Variants in KCNN2 observed in about 807,000 individuals in gnomAD.
KCNN2 encodes the protein small conductance calcium-activated potassium channel protein 2.
Under a neutral mutation model 55.5 loss-of-function variants are expected in KCNN2, and 24 were observed. The ratio of observed to expected loss-of-function variants is 0.43; its 90% CI spans 0.31 to 0.61. The LOEUF (loss-of-function observed/expected upper bound fraction) is 0.61. Among genes scored for constraint, KCNN2 ranks in the 20% least tolerant of loss-of-function variants. KCNN2 has a pLI of 0.08. For missense variants in KCNN2, 754 were observed against 853.6 expected (o/e 0.88, Z 1.45); for synonymous variants, 431 against 336.1 (o/e 1.28, Z -3.09).
Position 114,422,270 on chromosome 5 carries a change from A to C in KCNN2, c.1637+17414A>C, listed in dbSNP as rs554261372. 3.3e-5 allele frequency among the ~76,000 whole-genome samples: 5 copies of C among 152,286 alleles called. No individual in the cohort carries two copies. In the South Asian group the frequency reaches 1.0e-3, roughly 32 times the overall value. ...TAATTTCCAGTGTGATAATATTTAA[A>C]ACTGGGGTCTTTCATAGATGATTGG... is the stretch of plus-strand genomic sequence containing the variant. On this transcript the variant is annotated intron_variant, in intron 3 of 7. Coordinates refer to ENST00000673685, the MANE Select transcript of KCNN2 (RefSeq NM_021614.4).
chr5:114,112,570 T>G (rs7706246), intron 1 of KCNN2, among the ~76,000 whole-genome samples: 1,710 of 152,232 alleles, frequency 0.011, 40 homozygotes, highest in African/African-American at 0.039. Context: ...CAATCATTTA[T>G]GGTGACTTTG....
At chr5:114,214,069 A>G (rs925575646) in intron 1 of KCNN2, among the ~76,000 whole-genome samples, 2 of 152,094 alleles carry the variant, frequency 1.3e-5, no homozygotes, top group African/African-American at 4.8e-5. Flanking sequence ...GAGAAAGCTT[A>G]GAGAAAGTCC....
chr5:114,362,386 G>A lies in KCNN2; in HGVS notation c.247G>A (p.Gly83Arg). The change falls in exon 1 of 8, where the codon GGA becomes AGA. Residue 83 changes from glycine (G) to arginine (R), a missense_variant. Transcript: ENST00000673685. ...CTCCGGTGCCCCGGCGGCGGGGGCG[G>A]GAGATAACCTGTCCCTGCTGCTCCG... ...ASSGAPAAGA[G>R]DNLSLLLRTS... The A allele has an allele frequency of 4.1e-6, 1 of 243,522 alleles. No homozygotes were observed. The highest frequency in any genetic ancestry group is 7.8e-6 in the Non-Finnish European group (1 of 128,090). The allele number at this position is 243,522 out of a possible 1,614,324, so 15.1% of individuals were successfully genotyped here.
chr5:114,141,680 G>A (rs549819450), intron 1 of KCNN2, among the ~76,000 whole-genome samples: 35 of 152,260 alleles, frequency 2.3e-4, no homozygotes, highest in African/African-American at 8.4e-4. Flanking sequence ...TGGTATTTGA[G>A]TTCTAGATCC....
chr5:114,380,282 GCTT>G (rs1386325672), intron 2 of KCNN2, among the ~76,000 whole-genome samples: 1 of 152,132 alleles, frequency 6.6e-6, no homozygotes, highest in Non-Finnish European at 1.5e-5. Flanking sequence ...CCCTCCCCCT[GCTT>G]CTTTCTGGTG....
intron 1 of KCNN2, among the ~76,000 whole-genome samples, chr5:114,100,175 A>G (rs913546594): frequency 2.0e-5 from 3 of 152,064 alleles, no homozygotes; most frequent in African/African-American, 7.2e-5. Flanking sequence ...ACGTATTCCA[A>G]TAGGAGAAAT....
intron 2 of KCNN2, among the ~76,000 whole-genome samples, chr5:114,297,536 A>G (rs930256988): frequency 6.6e-6 from 1 of 152,130 alleles, no homozygotes; most frequent in African/African-American, 2.4e-5. Context: ...CATCTTTGAA[A>G]AGTAATTTGC....
chr5:114,332,648 C>T (rs1460465401), intron 2 of KCNN2, among the ~76,000 whole-genome samples: 1 of 152,166 alleles, frequency 6.6e-6, no homozygotes, highest in Non-Finnish European at 1.5e-5. Flanking sequence ...TGTATATGTA[C>T]TCAGCAAGCC....
intron 1 of KCNN2, among the ~76,000 whole-genome samples, chr5:114,114,246 TAG>T (rs969927985): frequency 6.6e-6 from 1 of 152,088 alleles, no homozygotes; most frequent in African/African-American, 2.4e-5. Flanking sequence ...AACATTTTTT[TAG>T]AGACAGGTCT....
chr5:114,365,323 T>C (rs950923325), intron 2 of KCNN2, among the ~76,000 whole-genome samples: 1 of 152,246 alleles, frequency 6.6e-6, no homozygotes, highest in Non-Finnish European at 1.5e-5. Context: ...TTTGAATTTT[T>C]TAAAGTTTTA....
In KCNN2 at chr5:114,362,555, T is replaced by G. The variant is rs746392498; in HGVS notation, c.416T>G (p.Leu139Arg). 3 of 607,878 alleles carry G rather than the reference T, an allele frequency of 4.9e-6. No homozygotes were observed. The highest frequency in any genetic ancestry group is 4.5e-4 in the Middle Eastern group (1 of 2,230). 37.7% of individuals were successfully genotyped at this position (607,878 alleles called of 1,614,324 possible). The change falls in exon 1 of 8, where the codon CTC (leucine) becomes CGC (arginine). Residue 139 changes from leucine to arginine, a missense_variant. Leu to Arg is a moderately radical substitution (Grantham distance 102). Coordinates refer to ENST00000673685, the MANE Select transcript of KCNN2 (RefSeq NM_021614.4). ...ACGCCGTCCAGCCATGCCAGTGCGC[T>G]CCGGCAGCAGTACGCGCAGCAGTCC... ...ELTPSSHASA[L>R]RQQYAQQSAQ...
chr5:114,077,642 A>G (rs948488219), intron 1 of KCNN2, among the ~76,000 whole-genome samples: 1 of 152,164 alleles, frequency 6.6e-6, no homozygotes, highest in African/African-American at 2.4e-5. Flanking sequence ...AATTGTCACT[A>G]GCATCATTTG....
At chr5:114,066,290 A>G (rs1750449959) in intron 1 of KCNN2, among the ~76,000 whole-genome samples, 2 of 152,116 alleles carry the variant, frequency 1.3e-5, no homozygotes, top group Non-Finnish European at 2.9e-5. Flanking sequence ...TCTTAGGCAC[A>G]TTTTGCTCTT....
At chr5:114,292,977 A>G (rs1311706585) in intron 2 of KCNN2, among the ~76,000 whole-genome samples, 1 of 152,124 alleles carries the variant, frequency 6.6e-6, no homozygotes, top group East Asian at 1.9e-4. Flanking sequence ...TTTACTCATG[A>G]TTTGGCTCTC....
intron 1 of KCNN2, among the ~76,000 whole-genome samples, chr5:114,088,651 G>A (rs577086870): frequency 5.9e-5 from 9 of 152,016 alleles, no homozygotes; most frequent in South Asian, 4.2e-4. Context: ...ATGGAGTCTC[G>A]CTCTGTCGCC....
intron 2 of KCNN2, among the ~76,000 whole-genome samples, chr5:114,262,472 G>A (rs139689080): frequency 4.2e-4 from 64 of 152,262 alleles, no homozygotes; most frequent in Middle Eastern, 3.4e-3. Context: ...ATTAAGCAGA[G>A]TAGTCATGAA....
chr5:114,460,668 C>T (rs1761150299), intron 3 of KCNN2, among the ~76,000 whole-genome samples: 1 of 152,198 alleles, frequency 6.6e-6, no homozygotes. Flanking sequence ...TCTAAGGACA[C>T]TTTGCTGATA....
chr5:114,411,032 G>C (rs1473390579), intron 3 of KCNN2, among the ~76,000 whole-genome samples: 1 of 152,148 alleles, frequency 6.6e-6, no homozygotes, highest in African/African-American at 2.4e-5. Flanking sequence ...AAATTCTTGT[G>C]ATCACTGAAA....
In KCNN2 at chr5:114,177,426, G is replaced by C. The variant is rs1032664356; in HGVS notation, c.-270-44054G>C. Among the ~76,000 whole-genome samples the C allele has an allele frequency of 1.3e-4, 19 of 151,896 alleles. 1 individual carries two copies. The highest frequency in any genetic ancestry group is 2.0e-4 in the Admixed American group (3 of 15,258). On this transcript the variant is annotated intron_variant, in intron 1 of 10. Transcript: ENST00000512097. ...TGCTGGGATTACAGGAGTGGGCCAC[G>C]GCACCCAGCTAATATGCTGTTTTGT...
Sources: gnomAD v4.1 joint callset for allele counts (sites outside exome capture counted in the v4.1 genomes callset) on GRCh38, gnomAD v4.1.1 for gene constraint, MANE v1.5 for transcripts, NCBI Gene and HGNC (gene_info 2026-07-23, HGNC 2026-07-21) for gene names.